The following PTPRD variants were observed in gnomAD, a reference collection of about 807,000 sequenced individuals.
PTPRD encodes receptor-type tyrosine-protein phosphatase delta.
A neutral mutation model predicts 214.5 loss-of-function variants in PTPRD; 34 were observed. The observed-to-expected ratio is 0.16, with a 90% CI of 0.12 to 0.21. PTPRD has a LOEUF of 0.21. Ranked by LOEUF, PTPRD falls within the 10% of genes least tolerant of loss-of-function variation. The pLI, the probability that PTPRD is intolerant of heterozygous loss-of-function variation, is 1.00. For missense variants in PTPRD, 2,545 were observed against 2,398.7 expected (o/e 1.06, Z -1.27); for synonymous variants, 1,128 against 845.7 (o/e 1.33, Z -5.79).
At chr9:8,691,311 T>A (rs1328153093) in intron 12 of PTPRD, among the ~76,000 whole-genome samples, 1 of 151,894 alleles carries the variant, frequency 6.6e-6, no homozygotes, top group African/African-American at 2.4e-5. Context: ...TCCATCCTAC[T>A]GTGCTGCCTC....
chr9:8,848,198 C>T (rs1417812690), intron 11 of PTPRD, among the ~76,000 whole-genome samples: 2 of 151,716 alleles, frequency 1.3e-5, no homozygotes, highest in Non-Finnish European at 1.5e-5. Flanking sequence ...ATCAAAACCC[C>T]TTTGGTAAAA....
At chr9:8,594,692 C>T (rs940334279) in intron 14 of PTPRD, among the ~76,000 whole-genome samples, 7 of 152,010 alleles carry the variant, frequency 4.6e-5, no homozygotes, top group East Asian at 1.9e-4. Flanking sequence ...GTCTTGCCTG[C>T]GGCCATGTAA....
intron 36 of PTPRD, among the ~76,000 whole-genome samples, chr9:8,398,590 CT>C (rs1162973913): frequency 6.6e-6 from 1 of 152,140 alleles, no homozygotes; most frequent in Non-Finnish European, 1.5e-5. Context: ...GAGGTGAGGT[CT>C]TAGGAAATGC....
intron 2 of PTPRD, among the ~76,000 whole-genome samples, chr9:10,589,467 C>T (rs1591555716): frequency 6.6e-6 from 1 of 152,114 alleles, no homozygotes; most frequent in East Asian, 1.9e-4. Flanking sequence ...ATAAGTAAAA[C>T]TGAAGAAGCT....
chr9:10,442,395 G>A (rs1376016830), intron 2 of PTPRD, among the ~76,000 whole-genome samples: 2 of 151,612 alleles, frequency 1.3e-5, no homozygotes, highest in Non-Finnish European at 3.0e-5. Flanking sequence ...ATGTAAGTCT[G>A]AAAGGTAGGA....
At chr9:8,644,047 G>T (rs1322720879) in intron 12 of PTPRD, among the ~76,000 whole-genome samples, 1 of 152,166 alleles carries the variant, frequency 6.6e-6, no homozygotes, top group Non-Finnish European at 1.5e-5. Context: ...CCCCTCTGAG[G>T]CCCATAAAAG....
chr9:9,961,425 T>C (rs1336028722), intron 4 of PTPRD, among the ~76,000 whole-genome samples: 1 of 152,162 alleles, frequency 6.6e-6, no homozygotes, highest in African/African-American at 2.4e-5. Flanking sequence ...CCTATGGACC[T>C]TTTGTTTTGA....
At chr9:10,332,930 G>C (rs1171723058) in intron 3 of PTPRD, among the ~76,000 whole-genome samples, 1 of 151,692 alleles carries the variant, frequency 6.6e-6, no homozygotes, top group Non-Finnish European at 1.5e-5. Context: ...ACATACAATT[G>C]TAATATTTAT....
intron 2 of PTPRD, among the ~76,000 whole-genome samples, chr9:10,488,236 G>C (rs376454034): frequency 6.6e-6 from 1 of 151,640 alleles, no homozygotes; most frequent in Non-Finnish European, 1.5e-5. Flanking sequence ...GCGCGGTGGC[G>C]GGCGCCTGTA....
chr9:10,357,220 G>A (rs1188796437), intron 2 of PTPRD, among the ~76,000 whole-genome samples: 1 of 152,012 alleles, frequency 6.6e-6, no homozygotes, highest in Non-Finnish European at 1.5e-5. Context: ...CTGTACACCA[G>A]GTATTTTTGA....
chr9:9,623,707 G>C (rs2095324432), intron 7 of PTPRD, among the ~76,000 whole-genome samples: 1 of 152,110 alleles, frequency 6.6e-6, no homozygotes. Context: ...CCAAATTCCT[G>C]GGTTCCATCC....
At chr9:9,934,276 T>C (rs2088169845) in intron 5 of PTPRD, among the ~76,000 whole-genome samples, 1 of 150,250 alleles carries the variant, frequency 6.7e-6, no homozygotes, top group African/African-American at 2.5e-5. Context: ...TTCAAAAAAA[T>C]CAATGAATCC....
intron 11 of PTPRD, among the ~76,000 whole-genome samples, chr9:8,986,921 G>C (rs1204996808): frequency 6.6e-6 from 1 of 151,914 alleles, no homozygotes; most frequent in African/African-American, 2.4e-5. Context: ...CTGTCTCTGA[G>C]GACTAAGGAG....
rs75357466 is a variant in PTPRD at position 8,881,057 on chromosome 9, G to T, written c.-104+137640C>A. Among the ~76,000 whole-genome samples the T allele has an allele frequency of 3.9e-3, 589 of 152,232 alleles. 5 individuals carry two copies. The highest frequency in any genetic ancestry group is 0.013 in the African/African-American group (560 of 41,532). On this transcript the variant is annotated intron_variant, in intron 11 of 45. Coordinates refer to ENST00000381196, the MANE Select transcript of PTPRD (RefSeq NM_002839.4). Reference sequence around the variant, plus strand: ...GCTAGAATTATAGGTGTGAGCCACCGTACCTGGCCTCAAAGGTAATTTCTG... The same window carrying T: ...GCTAGAATTATAGGTGTGAGCCACCTTACCTGGCCTCAAAGGTAATTTCTG...
chr9:8,467,671 C>T (rs961239962), intron 31 of PTPRD, among the ~76,000 whole-genome samples: 4 of 151,372 alleles, frequency 2.6e-5, no homozygotes, highest in African/African-American at 9.7e-5. Flanking sequence ...AGCTCTGATA[C>T]TCTAAATTGT....
intron 4 of PTPRD, among the ~76,000 whole-genome samples, chr9:9,952,021 A>C (rs1214044856): frequency 1.3e-5 from 2 of 152,194 alleles, no homozygotes; most frequent in African/African-American, 4.8e-5. Flanking sequence ...AAATGAAATA[A>C]AGATGCTGGA....
intron 3 of PTPRD, among the ~76,000 whole-genome samples, chr9:10,317,607 T>G (rs1034601379): frequency 1.1e-4 from 16 of 152,038 alleles, no homozygotes; most frequent in African/African-American, 3.4e-4. Context: ...TTGCTAAATC[T>G]TTTAATGTTT....
chr9:8,984,547 G>C (rs779415274), intron 11 of PTPRD, among the ~76,000 whole-genome samples: 2 of 152,076 alleles, frequency 1.3e-5, no homozygotes, highest in Non-Finnish European at 2.9e-5. Context: ...CTTGGGATGA[G>C]ACGACTTCTA....
At chr9:8,646,521 A>G (rs2096695383) in intron 12 of PTPRD, among the ~76,000 whole-genome samples, 2 of 152,126 alleles carry the variant, frequency 1.3e-5, no homozygotes. Flanking sequence ...ATGCCTCAGT[A>G]CAGGCTGTTC....
Sources: gnomAD v4.1 joint callset for allele counts (sites outside exome capture counted in the v4.1 genomes callset) on GRCh38, gnomAD v4.1.1 for gene constraint, MANE v1.5 for transcripts, NCBI Gene and HGNC (gene_info 2026-07-23, HGNC 2026-07-21) for gene names.